PTPRD: variants seen among roughly 807,000 people sequenced by gnomAD.
PTPRD encodes the protein receptor-type tyrosine-protein phosphatase delta.
PTPRD carries 34 observed loss-of-function variants against 214.5 expected under a neutral mutation model. The observed-to-expected ratio is 0.16, with a 90% confidence interval of 0.12 to 0.21. The LOEUF is 0.21. Ranked by LOEUF, PTPRD falls within the 10% of genes least tolerant of loss-of-function variation. The pLI, the probability that PTPRD is intolerant of heterozygous loss-of-function variation, is 1.00. For missense variants in PTPRD, 2,545 were observed against 2,398.7 expected (o/e 1.06, Z -1.27); for synonymous variants, 1,128 against 845.7 (o/e 1.33, Z -5.79).
At chr9:8,477,625 T>A (rs1305026245) in intron 30 of PTPRD, among the ~76,000 whole-genome samples, 4 of 152,202 alleles carry the variant, frequency 2.6e-5, no homozygotes, top group Non-Finnish European at 5.9e-5. Flanking sequence ...GCCTCCTGGC[T>A]TTACCGCTCC....
At chr9:8,947,256 G>C (rs182421511) in intron 11 of PTPRD, among the ~76,000 whole-genome samples, 1 of 151,638 alleles carries the variant, frequency 6.6e-6, no homozygotes, top group African/African-American at 2.4e-5. Flanking sequence ...GAGGTCAGGA[G>C]ATCAAGACCA....
At position 8,733,803 on chromosome 9, in the gene PTPRD, A is replaced by T; in HGVS notation, c.41T>A (p.Phe14Tyr). The change falls in exon 12 of 46, where the codon TTC becomes TAC. Residue 14 changes from phenylalanine (F) to tyrosine (Y), a missense_variant. Transcript: ENST00000381196. Reference protein sequence around the residue: ...VARLLLLLLTFFLRTDAETPP... With the variant: ...VARLLLLLLTYFLRTDAETPP... ...ACTCTCAGCATCCGTGCGGAGGAAG[A>T]AAGTGAGGAGCAGCAGCAGCAGCCT... 6.4e-7 allele frequency: 1 copy of T among 1,553,154 alleles called. No homozygotes were observed. The highest frequency in any genetic ancestry group is 8.7e-7 in the Non-Finnish European group (1 of 1,147,746).
intron 3 of PTPRD, among the ~76,000 whole-genome samples, chr9:10,049,171 GT>G (rs1358104478): frequency 6.6e-6 from 1 of 152,112 alleles, no homozygotes; most frequent in Non-Finnish European, 1.5e-5. Context: ...TCAATGTGGC[GT>G]TTGCGGAAAA....
At chr9:8,690,107 TAAAAAAA>T (rs74902579) in intron 12 of PTPRD, among the ~76,000 whole-genome samples, 3 of 131,146 alleles carry the variant, frequency 2.3e-5, no homozygotes, top group Non-Finnish European at 4.9e-5. Flanking sequence ...GACTCCATCT[TAAAAAAA>T]AAAAAAAAAG....
At chr9:9,439,609 A>ATTTT (rs1256452205) in intron 8 of PTPRD, among the ~76,000 whole-genome samples, 1 of 152,186 alleles carries the variant, frequency 6.6e-6, no homozygotes, top group Non-Finnish European at 1.5e-5. Flanking sequence ...GGTGCATTCC[A>ATTTT]TTAAAAGCCA....
chr9:9,627,648 T>C (rs528426914), intron 7 of PTPRD, among the ~76,000 whole-genome samples: 2 of 152,326 alleles, frequency 1.3e-5, no homozygotes, highest in South Asian at 4.1e-4. Flanking sequence ...GAATTCTTCC[T>C]ATTTTTTCTA....
At chr9:8,834,165 G>A (rs1314584950) in intron 11 of PTPRD, among the ~76,000 whole-genome samples, 1 of 152,008 alleles carries the variant, frequency 6.6e-6, no homozygotes, top group Non-Finnish European at 1.5e-5. Flanking sequence ...ATGATTCACA[G>A]TAGTTGAATT....
chr9:9,837,539 T>C (rs540991046), intron 5 of PTPRD, among the ~76,000 whole-genome samples: 26 of 152,072 alleles, frequency 1.7e-4, no homozygotes, highest in Non-Finnish European at 1.5e-5. Flanking sequence ...AGGGGTATGT[T>C]TTAGGTTTAA....
chr9:10,049,110 G>GA lies in PTPRD; in HGVS notation c.-544-15321dup, dbSNP rs377499784. On this transcript the variant is annotated intron_variant, in intron 3 of 45. Coordinates refer to ENST00000381196, the MANE Select transcript of PTPRD (RefSeq NM_002839.4). Reference sequence around the variant, plus strand: ...GAAATGAGAAAAGCAGAGCATTAGAGAAAAAAAGCAGTGATGTCAATTGGC... The same window carrying GA: ...GAAATGAGAAAAGCAGAGCATTAGAGAAAAAAAAGCAGTGATGTCAATTGGC... Among the ~76,000 whole-genome samples the GA allele has an allele frequency of 5.4e-4, 82 of 152,142 alleles. 1 individual carries two copies. The highest frequency in any genetic ancestry group is 1.8e-3 in the African/African-American group (74 of 41,540).
At chr9:9,832,281 T>G (rs1044065211) in intron 5 of PTPRD, among the ~76,000 whole-genome samples, 1 of 151,860 alleles carries the variant, frequency 6.6e-6, no homozygotes, top group South Asian at 2.1e-4. Context: ...AGAAGCAAAG[T>G]AGACAATGCA....
intron 2 of PTPRD, among the ~76,000 whole-genome samples, chr9:10,548,604 T>C (rs2060650748): frequency 6.6e-6 from 1 of 151,636 alleles, no homozygotes; most frequent in African/African-American, 2.4e-5. Context: ...CCCTGGCTCC[T>C]GGAATCACAC....
intron 3 of PTPRD, among the ~76,000 whole-genome samples, chr9:10,116,647 G>A (rs577410507): frequency 3.3e-5 from 5 of 152,176 alleles, no homozygotes; most frequent in African/African-American, 1.2e-4. Context: ...AGTCCAGACT[G>A]CTAAAGGAAT....
At chr9:8,829,264 A>T (rs1019998013) in intron 11 of PTPRD, among the ~76,000 whole-genome samples, 2 of 152,152 alleles carry the variant, frequency 1.3e-5, no homozygotes, top group African/African-American at 4.8e-5. Flanking sequence ...GTCCTTATCC[A>T]GTCATCCTCC....
chr9:10,144,566 A>C (rs988750897), intron 3 of PTPRD, among the ~76,000 whole-genome samples: 49 of 152,214 alleles, frequency 3.2e-4, no homozygotes, highest in African/African-American at 1.2e-3. Context: ...CTCTGCTGCC[A>C]CACTCTCATT....
At chr9:9,695,099 C>T (rs2097347045) in intron 7 of PTPRD, among the ~76,000 whole-genome samples, 1 of 152,150 alleles carries the variant, frequency 6.6e-6, no homozygotes, top group South Asian at 2.1e-4. Flanking sequence ...CATTTCAGAG[C>T]CCAAAGCCCA....
At chr9:9,527,462 G>T (rs2074385917) in intron 8 of PTPRD, among the ~76,000 whole-genome samples, 2 of 152,066 alleles carry the variant, frequency 1.3e-5, no homozygotes, top group African/African-American at 4.8e-5. Flanking sequence ...CTCTTCATCA[G>T]AAAATAATAT....
chr9:9,874,577 A>G (rs1040388781), intron 5 of PTPRD, among the ~76,000 whole-genome samples: 34 of 152,346 alleles, frequency 2.2e-4, no homozygotes, highest in Middle Eastern at 3.4e-3. Context: ...GAAAGGAAAG[A>G]AAATGAACTC....
intron 11 of PTPRD, among the ~76,000 whole-genome samples, chr9:8,766,341 C>G (rs1027271201): frequency 2.6e-5 from 4 of 151,972 alleles, no homozygotes; most frequent in Non-Finnish European, 4.4e-5. Flanking sequence ...TCTAAAGTGT[C>G]CCAGTGTCAG....
intron 35 of PTPRD, among the ~76,000 whole-genome samples, chr9:8,415,406 C>T (rs552295302): frequency 1.5e-4 from 23 of 152,130 alleles, no homozygotes; most frequent in African/African-American, 4.6e-4. Context: ...TCAAAGTAAA[C>T]GAACTAATTT....
Sources: allele counts gnomAD v4.1 joint callset (sites outside exome capture counted in the v4.1 genomes callset), GRCh38; gene constraint gnomAD v4.1.1; transcripts MANE v1.5; gene names NCBI Gene and HGNC (gene_info 2026-07-23, HGNC 2026-07-21).